PDGFD: variants seen among roughly 807,000 people sequenced by gnomAD.
The protein encoded by PDGFD is platelet-derived growth factor D.
PDGFD carries 30 observed loss-of-function variants against 44.7 expected under a neutral mutation model. The observed-to-expected ratio is 0.67, with a 90% CI of 0.50 to 0.91. The LOEUF (loss-of-function observed/expected upper bound fraction) is 0.91, where lower values mean the gene tolerates loss of function less well. PDGFD is among the 40% of genes least tolerant of loss of function. PDGFD has a pLI of 0.00. For missense variants in PDGFD, 445 were observed against 457.8 expected (o/e 0.97, Z 0.25); for synonymous variants, 173 against 168.4 (o/e 1.03, Z -0.21).
chr11:103,936,814 T>C (rs1461197512), intron 5 of PDGFD, among the ~76,000 whole-genome samples: 2 of 147,346 alleles, frequency 1.4e-5, no homozygotes, highest in East Asian at 4.0e-4. Context: ...ACTGTTTTTT[T>C]GTTTGTTTGT....
chr11:104,119,505 ATAATATAT>A (rs1418161923), intron 1 of PDGFD, among the ~76,000 whole-genome samples: 1 of 47,014 alleles, frequency 2.1e-5, no homozygotes, highest in Non-Finnish European at 3.4e-5. Flanking sequence ...GATATAATAT[ATAATATAT>A]TAATATAATA....
Position 103,909,586 on chromosome 11 carries a change from A to G in PDGFD, c.*108T>C. 2 of 1,400,868 alleles carry G rather than the reference A, an allele frequency of 1.4e-6. No individual in the cohort carries two copies. The highest frequency in any genetic ancestry group is 2.0e-6 in the Non-Finnish European group (2 of 1,005,988). The allele number at this position is 1,400,868 out of a possible 1,614,324, so 86.8% of individuals were successfully genotyped here. ...CTCAGCAACCACTTGTGTTCATTGC[A>G]TTGCAGGCTAGTAGTAAGTTTGGTT... On this transcript the variant is annotated 3_prime_UTR_variant, in exon 7 of 7. Coordinates refer to ENST00000393158, the MANE Select transcript of PDGFD (RefSeq NM_025208.5).
intron 5 of PDGFD, among the ~76,000 whole-genome samples, chr11:103,930,701 C>G (rs1461655570): frequency 6.6e-6 from 1 of 152,138 alleles, no homozygotes; most frequent in Admixed American, 6.6e-5. Context: ...ACAAGCGATG[C>G]TGAAGTCTTC....
intron 3 of PDGFD, among the ~76,000 whole-genome samples, chr11:103,951,168 T>A (rs1284843005): frequency 6.6e-6 from 1 of 152,210 alleles, no homozygotes; most frequent in Non-Finnish European, 1.5e-5. Context: ...CCAACTTTTG[T>A]GTTACTTCAG....
intron 1 of PDGFD, among the ~76,000 whole-genome samples, chr11:104,111,689 G>A (rs1861560789): frequency 1.3e-5 from 2 of 152,102 alleles, no homozygotes; most frequent in Non-Finnish European, 2.9e-5. Context: ...AGATGACAAG[G>A]AAGAGGCAAA....
intron 1 of PDGFD, among the ~76,000 whole-genome samples, chr11:104,044,677 A>C (rs1454757987): frequency 1.3e-5 from 2 of 152,198 alleles, no homozygotes; most frequent in Non-Finnish European, 2.9e-5. Context: ...TTCCACTCCA[A>C]GGGCAATATA....
At chr11:103,943,341 T>C (rs1368488844) in intron 5 of PDGFD, 111 bp downstream of exon 5, 1 of 1,072,762 alleles carries the variant, frequency 9.3e-7, no homozygotes, top group Non-Finnish European at 1.3e-6. Context: ...CCAAAAAGCA[T>C]CCAAAATCCA....
chr11:104,032,010 G>A (rs376112995), intron 1 of PDGFD, among the ~76,000 whole-genome samples: 11 of 152,108 alleles, frequency 7.2e-5, no homozygotes, highest in Admixed American at 6.6e-4. Context: ...GCAAGGGCAG[G>A]GGAGAGCATG....
chr11:104,089,340 T>C (rs1275522020), intron 1 of PDGFD, among the ~76,000 whole-genome samples: 1 of 152,156 alleles, frequency 6.6e-6, no homozygotes, highest in African/African-American at 2.4e-5. Context: ...CTTGAACCCC[T>C]AGGAGGAGGC....
chr11:104,078,301 T>C (rs955819133), intron 1 of PDGFD, among the ~76,000 whole-genome samples: 2 of 152,198 alleles, frequency 1.3e-5, no homozygotes, highest in African/African-American at 4.8e-5. Flanking sequence ...ACATCTTCCA[T>C]GAGTGCTTCC....
chr11:104,088,869 T>C (rs777656728), intron 1 of PDGFD, among the ~76,000 whole-genome samples: 3 of 151,656 alleles, frequency 2.0e-5, no homozygotes, highest in African/African-American at 7.3e-5. Flanking sequence ...GAGGTTCTAA[T>C]GGTGCACCTG....
chr11:103,950,495 G>A (rs942092469), intron 3 of PDGFD, among the ~76,000 whole-genome samples: 6 of 151,684 alleles, frequency 4.0e-5, no homozygotes, highest in East Asian at 1.9e-4. Context: ...CCTGGGAGGC[G>A]GAGGTTGCAG....
Position 104,115,043 on chromosome 11 carries a change from C to A in PDGFD, c.124+48761G>T, listed in dbSNP as rs370638682. On this transcript the variant is annotated intron_variant, in intron 1 of 6. Transcript: ENST00000393158. ...CTAATTTGTAGTCTTTTATCCCACA[C>A]CCCCTCCCCACCCTCTTCCCTGAGA... Among the ~76,000 whole-genome samples the A allele has an allele frequency of 1.8e-4, 27 of 151,720 alleles. No individual in the cohort carries two copies. In the East Asian group the frequency reaches 5.2e-3, roughly 29 times the overall value.
chr11:104,057,034 AG>A (rs1252440216), intron 1 of PDGFD, among the ~76,000 whole-genome samples: 1 of 152,188 alleles, frequency 6.6e-6, no homozygotes, highest in African/African-American at 2.4e-5. Flanking sequence ...AGGCTGAGGC[AG>A]GGGAATCGCT....
chr11:103,959,849 T>A lies in PDGFD; in HGVS notation c.511-12125A>T, dbSNP rs951012555. ...AAGTAAACAACTTGAAGTCTTCTCC[T>A]CCAGGCTGGGAGGATCATTTTGGAA... On this transcript the variant is annotated intron_variant, in intron 3 of 6. Transcript: ENST00000393158. Among the ~76,000 whole-genome samples the A allele has an allele frequency of 5.3e-5, 8 of 152,282 alleles. No homozygotes were observed. The East Asian group carries it at 1.4e-3, about 26-fold the overall frequency.
At chr11:103,938,535 C>G (rs1466596260) in intron 5 of PDGFD, among the ~76,000 whole-genome samples, 2 of 152,120 alleles carry the variant, frequency 1.3e-5, no homozygotes, top group Non-Finnish European at 2.9e-5. Context: ...GTTTCTTTTG[C>G]TGTGCAGAAG....
In PDGFD at chr11:103,955,946, C is replaced by T. The variant is rs143305283; in HGVS notation, c.511-8222G>A. Among the ~76,000 whole-genome samples, 118 of 152,108 alleles carry T rather than the reference C, an allele frequency of 7.8e-4. 1 individual carries two copies. In the East Asian group the frequency reaches 0.015, roughly 19 times the overall value. ...CTAGGATTCATTAATCAATCATCCA[C>T]GTAATCTTGGTGCTAGTGTCAAGAT... On this transcript the variant is annotated intron_variant, in intron 3 of 6. Transcript: ENST00000393158.
At chr11:103,986,871 C>T (rs1172766974) in intron 3 of PDGFD, among the ~76,000 whole-genome samples, 1 of 152,184 alleles carries the variant, frequency 6.6e-6, no homozygotes, top group Non-Finnish European at 1.5e-5. Flanking sequence ...CATCACTATT[C>T]TAAAATCTAA....
At chr11:104,061,350 C>G (rs1454240157) in intron 1 of PDGFD, among the ~76,000 whole-genome samples, 1 of 151,910 alleles carries the variant, frequency 6.6e-6, no homozygotes, top group Non-Finnish European at 1.5e-5. Context: ...ACTGAAAAAG[C>G]TAGTCACAGA....
Sources: allele counts gnomAD v4.1 joint callset (sites outside exome capture counted in the v4.1 genomes callset), GRCh38; gene constraint gnomAD v4.1.1; transcripts MANE v1.5; gene names NCBI Gene and HGNC (gene_info 2026-07-23, HGNC 2026-07-21).